The following CDH18 variants were observed in gnomAD, a reference collection of about 807,000 sequenced individuals.
The protein encoded by CDH18 is cadherin-18.
Under a neutral mutation model 67.9 loss-of-function variants are expected in CDH18, and 31 were observed. That is an observed-to-expected ratio of 0.46 (90% CI 0.34 to 0.62). The LOEUF is 0.62. CDH18 is among the 20% of genes least tolerant of loss of function. CDH18 has a pLI of 0.01. For synonymous variants in CDH18, 362 were observed against 347.2 expected (o/e 1.04, Z -0.48); for missense variants, 890 against 975.5 (o/e 0.91, Z 1.17).
intron 2 of CDH18, among the ~76,000 whole-genome samples, chr5:19,934,961 G>A (rs539482255): frequency 5.9e-5 from 9 of 151,330 alleles, no homozygotes; most frequent in Non-Finnish European, 1.3e-4. Flanking sequence ...TTTAGCATAT[G>A]TCCTTATGTA....
chr5:19,499,651 ATTTTG>A (rs1352884752), intron 11 of CDH18, among the ~76,000 whole-genome samples: 3 of 151,930 alleles, frequency 2.0e-5, no homozygotes, highest in East Asian at 3.9e-4. Context: ...TTATTTCTGT[ATTTTG>A]AAGTAACAAA....
intron 2 of CDH18, among the ~76,000 whole-genome samples, chr5:19,843,217 G>GA (rs1247477261): frequency 2.0e-5 from 3 of 152,126 alleles, no homozygotes; most frequent in East Asian, 1.9e-4. Context: ...TCCTAGGCGG[G>GA]AAAAAAATGG....
chr5:20,301,171 GTTTT>G (rs1460320822), intron 1 of CDH18, among the ~76,000 whole-genome samples: 37 of 140,490 alleles, frequency 2.6e-4, no homozygotes, highest in Middle Eastern at 7.2e-3. Context: ...TATAGACAGT[GTTTT>G]TTTGTTTTTT....
chr5:20,026,639 C>T (rs778249214), intron 2 of CDH18, among the ~76,000 whole-genome samples: 5 of 152,082 alleles, frequency 3.3e-5, no homozygotes, highest in Admixed American at 6.6e-5. Flanking sequence ...ATAAGATCAA[C>T]GTGAGCAATA....
At position 20,097,494 on chromosome 5, in the gene CDH18, A is replaced by G. The variant is rs1746089734; in HGVS notation, c.-517-105480T>C. ...CAGGAAAAATCCGCCCCCAAGATTC[A>G]GTTACCTTCCACTGGGTCCTTCAGA... is the stretch of plus-strand genomic sequence containing the variant. On this transcript the variant is annotated intron_variant, in intron 2 of 14. Transcript: ENST00000507958. 4.6e-5 allele frequency among the ~76,000 whole-genome samples: 7 copies of G among 152,264 alleles called. No individual in the cohort carries two copies. The South Asian group carries it at 1.4e-3, about 32-fold the overall frequency.
intron 2 of CDH18, among the ~76,000 whole-genome samples, chr5:19,937,019 C>T (rs1254161858): frequency 6.6e-6 from 1 of 151,138 alleles, no homozygotes; most frequent in Non-Finnish European, 1.5e-5. Context: ...TTTATGTACA[C>T]TCATATGTTA....
chr5:19,501,441 G>GA (rs1204986109), intron 11 of CDH18, among the ~76,000 whole-genome samples: 3 of 136,598 alleles, frequency 2.2e-5, no homozygotes, highest in Admixed American at 7.8e-5. Flanking sequence ...TGTCTCTACT[G>GA]AAAAAAACAA....
intron 2 of CDH18, among the ~76,000 whole-genome samples, chr5:19,846,121 A>AT (rs761050800): frequency 2.7e-4 from 41 of 151,432 alleles, no homozygotes; most frequent in Non-Finnish European, 4.4e-4. Context: ...GTTTTTTTAA[A>AT]TTTCTTTTAA....
At chr5:19,740,546 C>T (rs1649943907) in intron 4 of CDH18, among the ~76,000 whole-genome samples, 2 of 152,054 alleles carry the variant, frequency 1.3e-5, no homozygotes, top group Admixed American at 6.5e-5. Flanking sequence ...ATACGATACA[C>T]ACAATTAAGA....
chr5:20,406,420 C>T (rs562379831), intron 1 of CDH18, among the ~76,000 whole-genome samples: 242 of 150,178 alleles, frequency 1.6e-3, no homozygotes, highest in Admixed American at 2.8e-3. Context: ...CCATCACACC[C>T]CGGGGCCTGT....
At chr5:19,828,068 A>G (rs1040164784) in intron 3 of CDH18, among the ~76,000 whole-genome samples, 1 of 152,174 alleles carries the variant, frequency 6.6e-6, no homozygotes, top group East Asian at 1.9e-4. Flanking sequence ...AGAAATACAA[A>G]AAACCCTCAG....
At chr5:19,894,040 T>C (rs1188133430) in intron 2 of CDH18, among the ~76,000 whole-genome samples, 1 of 152,154 alleles carries the variant, frequency 6.6e-6, no homozygotes, top group African/African-American at 2.4e-5. Flanking sequence ...TATCTTAAAA[T>C]AGACTGTACT....
chr5:20,031,192 T>G (rs1739360789), intron 2 of CDH18, among the ~76,000 whole-genome samples: 1 of 152,038 alleles, frequency 6.6e-6, no homozygotes, highest in Non-Finnish European at 1.5e-5. Context: ...TCATTCTGCT[T>G]TACGTTGGAC....
At chr5:20,086,508 A>G (rs958572449) in intron 2 of CDH18, among the ~76,000 whole-genome samples, 1 of 152,164 alleles carries the variant, frequency 6.6e-6, no homozygotes, top group Admixed American at 6.5e-5. Context: ...AGCTAGAGAA[A>G]AGTCAACACC....
chr5:20,018,880 C>T lies in CDH18; in HGVS notation c.-517-26866G>A, dbSNP rs1441104683. 2.1e-5 allele frequency among the ~76,000 whole-genome samples: 3 copies of T among 142,364 alleles called. 1 individual carries two copies. The highest frequency in any genetic ancestry group is 5.5e-5 in the African/African-American group (2 of 36,562). 93.4% of individuals were successfully genotyped at this position (142,364 alleles called of 152,430 possible). ...CGCGATCTCGACTCACTGCAAGCTC[C>T]GCCTCCCGGGTTCACGCCATTCTCC... On this transcript the variant is annotated intron_variant, in intron 2 of 14. Transcript: ENST00000507958.
chr5:20,173,136 T>C (rs1305397466), intron 2 of CDH18, among the ~76,000 whole-genome samples: 1 of 152,086 alleles, frequency 6.6e-6, no homozygotes, highest in Non-Finnish European at 1.5e-5. Flanking sequence ...GAGTGGGAAA[T>C]GATTAAAGTG....
chr5:19,861,014 A>C, intron 2 of CDH18, among the ~76,000 whole-genome samples: 1 of 152,130 alleles, frequency 6.6e-6, no homozygotes, highest in Admixed American at 6.6e-5. Context: ...TGAATGCATG[A>C]GTTGAGATAA....
chr5:19,491,635 C>A (rs561129416), intron 11 of CDH18, among the ~76,000 whole-genome samples: 6 of 152,126 alleles, frequency 3.9e-5, no homozygotes, highest in Non-Finnish European at 8.8e-5. Flanking sequence ...CTGAAAATAT[C>A]CCTTATTGTA....
chr5:19,549,334 CT>C (rs992658104), intron 8 of CDH18, among the ~76,000 whole-genome samples: 29 of 152,246 alleles, frequency 1.9e-4, no homozygotes, highest in Admixed American at 7.9e-4. Flanking sequence ...GCTGGCTCCC[CT>C]TCACCTTCTG....
Sources: allele counts gnomAD v4.1 joint callset (sites outside exome capture counted in the v4.1 genomes callset), GRCh38; gene constraint gnomAD v4.1.1; transcripts MANE v1.5; gene names NCBI Gene and HGNC (gene_info 2026-07-23, HGNC 2026-07-21).